PDE4D: variants seen among roughly 807,000 people sequenced by gnomAD.
PDE4D encodes phosphodiesterase 4D, also known as 3',5'-cyclic-AMP phosphodiesterase 4D.
PDE4D carries 24 observed loss-of-function variants against 87.4 expected under a neutral mutation model. The observed-to-expected ratio is 0.27, with a 90% CI of 0.20 to 0.39. The LOEUF is 0.39. Among genes scored for constraint, PDE4D ranks in the 10% least tolerant of loss-of-function variants. PDE4D has a pLI of 1.00. For missense variants in PDE4D, 714 were observed against 1,041.0 expected (o/e 0.69, Z 4.32); for synonymous variants, 384 against 383.2 (o/e 1.00, Z -0.02).
At chr5:59,328,629 T>G (rs1454755120) in intron 1 of PDE4D, among the ~76,000 whole-genome samples, 1 of 152,184 alleles carries the variant, frequency 6.6e-6, no homozygotes, top group Non-Finnish European at 1.5e-5. Flanking sequence ...AGTACACTCA[T>G]GTAGTGCCTT....
chr5:59,089,192 T>TGTC (rs1048340116), intron 5 of PDE4D, among the ~76,000 whole-genome samples: 3 of 152,276 alleles, frequency 2.0e-5, no homozygotes, highest in African/African-American at 7.2e-5. Context: ...TTGTTGTTGT[T>TGTC]GTTTTTGGCA....
intron 2 of PDE4D, among the ~76,000 whole-genome samples, chr5:60,112,961 A>C (rs1296668679): frequency 6.6e-6 from 1 of 152,092 alleles, no homozygotes; most frequent in Non-Finnish European, 1.5e-5. Context: ...AGCTGCTTTC[A>C]AGGGTGAGGG....
chr5:60,239,847 T>C (rs1388508188), intron 1 of PDE4D, among the ~76,000 whole-genome samples: 1 of 152,084 alleles, frequency 6.6e-6, no homozygotes, highest in African/African-American at 2.4e-5. Context: ...TATTATTTTC[T>C]AATAGTTTTT....
chr5:58,992,061 A>G (rs1228018291), intron 7 of PDE4D, 57 bp from the exon 8 acceptor site: 1 of 1,019,620 alleles, frequency 9.8e-7, no homozygotes, highest in Non-Finnish European at 1.3e-6. Context: ...GTTTTATATC[A>G]TATGCATAAT....
At chr5:59,886,507 AT>A (rs1232420887) in intron 1 of PDE4D, among the ~76,000 whole-genome samples, 1 of 152,000 alleles carries the variant, frequency 6.6e-6, no homozygotes, top group Non-Finnish European at 1.5e-5. Context: ...ATAAATAAAA[AT>A]AAAAAATAAA....
chr5:59,799,730 G>T (rs1766902554), intron 1 of PDE4D, among the ~76,000 whole-genome samples: 1 of 152,170 alleles, frequency 6.6e-6, no homozygotes, highest in Non-Finnish European at 1.5e-5. Context: ...ACATCTATTG[G>T]ATTGTCCAAA....
intron 1 of PDE4D, among the ~76,000 whole-genome samples, chr5:59,332,755 T>C (rs1377020496): frequency 6.6e-6 from 1 of 152,194 alleles, no homozygotes; most frequent in Non-Finnish European, 1.5e-5. Context: ...GCTAAAGGGC[T>C]GTAAGCTCTG....
chr5:59,135,484 A>G (rs774732862), intron 5 of PDE4D, among the ~76,000 whole-genome samples: 3 of 152,178 alleles, frequency 2.0e-5, no homozygotes, highest in Non-Finnish European at 4.4e-5. Flanking sequence ...ACTTGGAATG[A>G]AAAAAGTAAA....
chr5:60,358,471 T>C, intron 1 of PDE4D, among the ~76,000 whole-genome samples: 1 of 152,132 alleles, frequency 6.6e-6, no homozygotes, highest in East Asian at 1.9e-4. Context: ...ATCAGACATG[T>C]TATGGTATGG....
intron 1 of PDE4D, among the ~76,000 whole-genome samples, chr5:59,331,391 G>A (rs775013648): frequency 7.2e-5 from 11 of 151,938 alleles, no homozygotes; most frequent in East Asian, 1.9e-4. Context: ...CTGCGTGTGC[G>A]CGTGCATCTT....
intron 1 of PDE4D, among the ~76,000 whole-genome samples, chr5:60,461,623 A>G (rs1561282443): frequency 6.6e-6 from 1 of 152,242 alleles, no homozygotes; most frequent in Non-Finnish European, 1.5e-5. Context: ...CAAACCACAG[A>G]GGGAATGGCT....
intron 1 of PDE4D, among the ~76,000 whole-genome samples, chr5:59,724,179 G>T (rs944022819): frequency 1.3e-5 from 2 of 152,022 alleles, no homozygotes; most frequent in African/African-American, 4.8e-5. Context: ...GGAGAGAATA[G>T]CCTGAGGTAT....
intron 1 of PDE4D, among the ~76,000 whole-genome samples, chr5:60,416,679 C>T (rs756718807): frequency 6.6e-5 from 10 of 152,196 alleles, no homozygotes; most frequent in Non-Finnish European, 8.8e-5. Flanking sequence ...TGAGCGTCCG[C>T]GGCTTCATTC....
intron 1 of PDE4D, chr5:60,188,329 G>A (rs957257730): frequency 6.6e-6 from 1 of 152,218 alleles, no homozygotes; most frequent in Non-Finnish European, 1.5e-5. Flanking sequence ...TTCACCCTAG[G>A]AGGGATGGGT....
intron 1 of PDE4D, among the ~76,000 whole-genome samples, chr5:59,369,411 C>T (rs1327525485): frequency 6.6e-6 from 1 of 152,144 alleles, no homozygotes; most frequent in Admixed American, 6.5e-5. Context: ...GGTTTAATTC[C>T]TTCCAGGGAG....
chr5:59,430,799 G>A (rs1156791009), intron 1 of PDE4D, among the ~76,000 whole-genome samples: 2 of 152,060 alleles, frequency 1.3e-5, no homozygotes, highest in Non-Finnish European at 2.9e-5. Flanking sequence ...TCAACCTAAT[G>A]TAATAGTAGT....
chr5:59,582,928 A>C (rs1017806185), intron 1 of PDE4D, among the ~76,000 whole-genome samples: 1 of 152,154 alleles, frequency 6.6e-6, no homozygotes, highest in Non-Finnish European at 1.5e-5. Context: ...CACAATCATT[A>C]ATCCCAAATC....
intron 5 of PDE4D, among the ~76,000 whole-genome samples, chr5:59,151,720 A>T (rs1324257961): frequency 6.6e-6 from 1 of 152,144 alleles, no homozygotes; most frequent in Non-Finnish European, 1.5e-5. Context: ...AGATGGTGCG[A>T]AAGCAGAAGT....
chr5:59,980,186 C>G (rs1761769147), intron 3 of PDE4D, among the ~76,000 whole-genome samples: 1 of 152,106 alleles, frequency 6.6e-6, no homozygotes, highest in African/African-American at 2.4e-5. Context: ...ATTATAAGCT[C>G]TCCTTAAACA....
Sources: allele counts gnomAD v4.1 joint callset (sites outside exome capture counted in the v4.1 genomes callset), GRCh38; gene constraint gnomAD v4.1.1; transcripts MANE v1.5; gene names NCBI Gene and HGNC (gene_info 2026-07-23, HGNC 2026-07-21).